Variants in NRG1 observed in about 807,000 individuals in gnomAD.
NRG1 encodes the protein pro-neuregulin-1, membrane-bound isoform.
In NRG1, 18 loss-of-function variants were observed where a neutral mutation model predicts 63.8. The ratio of observed to expected loss-of-function variants is 0.28; its 90% confidence interval spans 0.19 to 0.42. NRG1 has a LOEUF of 0.42. Among genes scored for constraint, NRG1 ranks in the 10% least tolerant of loss-of-function variants. The pLI is 1.00. For missense variants in NRG1, 762 were observed against 814.7 expected, an observed-to-expected ratio of 0.94 and a Z score of 0.79; for synonymous variants, 302 against 301.3, an observed-to-expected ratio of 1.00 and a Z score of -0.02.
chr8:31,732,335 T>G (rs2131359513), intron 1 of NRG1, among the ~76,000 whole-genome samples: 1 of 152,308 alleles, frequency 6.6e-6, no homozygotes, highest in South Asian at 2.1e-4. Flanking sequence ...AGGCAAATCA[T>G]CAGGTATATA....
At chr8:31,979,020 G>A (rs1433080239) in intron 1 of NRG1, among the ~76,000 whole-genome samples, 4 of 152,138 alleles carry the variant, frequency 2.6e-5, no homozygotes, top group Non-Finnish European at 2.9e-5. Flanking sequence ...ATGTGATAAA[G>A]TCAGAACTCA....
chr8:31,726,338 T>G (rs777253088), intron 1 of NRG1, among the ~76,000 whole-genome samples: 31 of 152,140 alleles, frequency 2.0e-4, no homozygotes, highest in Admixed American at 1.1e-3. Context: ...AAAAAACATG[T>G]CAACAACCTG....
intron 1 of NRG1, among the ~76,000 whole-genome samples, chr8:32,449,182 A>G (rs1351088209): frequency 1.3e-5 from 2 of 152,112 alleles, no homozygotes; most frequent in Non-Finnish European, 2.9e-5. Context: ...CTGCAGTCCC[A>G]GATACTCAGG....
At position 31,768,562 on chromosome 8, in the gene NRG1, C is replaced by T. The variant is rs76703778; in HGVS notation, c.37+129131C>T. ...TTACCGAAAAGAGTAAATCAACTAT[C>T]TGCTGGTACTCAGTTCTCAGGGAGC... is the stretch of plus-strand genomic sequence containing the variant. On this transcript the variant is annotated intron_variant, in intron 1 of 10. Coordinates refer to the NRG1 transcript ENST00000519301. Among the ~76,000 whole-genome samples, 385 of 152,324 alleles carry T rather than the reference C, an allele frequency of 2.5e-3. 3 individuals carry two copies. The highest frequency in any genetic ancestry group is 3.1e-3 in the Non-Finnish European group (208 of 68,028).
intron 1 of NRG1, among the ~76,000 whole-genome samples, chr8:31,730,028 T>C (rs1336883632): frequency 6.6e-6 from 1 of 152,118 alleles, no homozygotes; most frequent in Non-Finnish European, 1.5e-5. Flanking sequence ...TGTCCTGTAA[T>C]GCCCCTTAAG....
intron 1 of NRG1, among the ~76,000 whole-genome samples, chr8:32,311,709 A>G (rs1253123120): frequency 6.6e-6 from 1 of 152,174 alleles, no homozygotes; most frequent in Non-Finnish European, 1.5e-5. Flanking sequence ...CTGCATGCTG[A>G]ATAGATTTTT....
At chr8:32,458,780 T>G (rs139258712) in intron 1 of NRG1, among the ~76,000 whole-genome samples, 23 of 152,308 alleles carry the variant, frequency 1.5e-4, no homozygotes, top group African/African-American at 5.1e-4. Flanking sequence ...TTACAATTAT[T>G]CTGGAATTTG....
At chr8:31,876,836 A>G (rs1829962652) in intron 1 of NRG1, among the ~76,000 whole-genome samples, 1 of 152,196 alleles carries the variant, frequency 6.6e-6, no homozygotes, top group Non-Finnish European at 1.5e-5. Context: ...AGTAGTTCTG[A>G]CACTTGGTTA....
chr8:32,467,154 A>G (rs911555178), intron 1 of NRG1, among the ~76,000 whole-genome samples: 16 of 152,224 alleles, frequency 1.1e-4, no homozygotes, highest in African/African-American at 3.6e-4. Context: ...TGAACCCAAT[A>G]TAAACACAAA....
chr8:32,356,683 A>G (rs1806475865), intron 1 of NRG1, among the ~76,000 whole-genome samples: 1 of 152,126 alleles, frequency 6.6e-6, no homozygotes, highest in Admixed American at 6.5e-5. Context: ...CTAGATTGTG[A>G]TGGTATTCAG....
At chr8:31,776,586 C>T (rs778667476) in intron 1 of NRG1, among the ~76,000 whole-genome samples, 12 of 151,974 alleles carry the variant, frequency 7.9e-5, no homozygotes, top group East Asian at 1.9e-4. Context: ...ATGTGCACAA[C>T]GAGCAGGTTT....
At chr8:32,448,647 C>T (rs1018578182) in intron 1 of NRG1, among the ~76,000 whole-genome samples, 1 of 151,792 alleles carries the variant, frequency 6.6e-6, no homozygotes, top group Admixed American at 6.6e-5. Flanking sequence ...ACCAAGCTCA[C>T]CCACATCCTA....
chr8:32,349,892 G>A (rs962469076), intron 1 of NRG1, among the ~76,000 whole-genome samples: 2 of 152,212 alleles, frequency 1.3e-5, no homozygotes, highest in African/African-American at 2.4e-5. Context: ...TGCAGCAGCA[G>A]GATTGTGGCT....
chr8:32,349,075 G>A (rs1586968338), intron 1 of NRG1, among the ~76,000 whole-genome samples: 2 of 152,098 alleles, frequency 1.3e-5, no homozygotes, highest in East Asian at 3.9e-4. Flanking sequence ...CTTTTGAGTG[G>A]GACTGCCTTC....
chr8:32,172,116 C>T (rs1840133409), intron 1 of NRG1, among the ~76,000 whole-genome samples: 1 of 152,164 alleles, frequency 6.6e-6, no homozygotes, highest in Non-Finnish European at 1.5e-5. Context: ...AGACTGACAC[C>T]TCCCACAGCC....
chr8:32,688,985 A>C (rs1367705662), intron 5 of NRG1, among the ~76,000 whole-genome samples: 1 of 152,112 alleles, frequency 6.6e-6, no homozygotes, highest in South Asian at 2.1e-4. Flanking sequence ...TAAACACAAC[A>C]TGTGCCTTGT....
At chr8:31,971,355 A>C (rs1338813755) in intron 1 of NRG1, among the ~76,000 whole-genome samples, 1 of 152,176 alleles carries the variant, frequency 6.6e-6, no homozygotes, top group Non-Finnish European at 1.5e-5. Context: ...TGCCTAACAC[A>C]GTCATAAATA....
At chr8:32,224,250 G>A (rs544135693) in intron 1 of NRG1, among the ~76,000 whole-genome samples, 1 of 152,242 alleles carries the variant, frequency 6.6e-6, no homozygotes, top group South Asian at 2.1e-4. Context: ...GCGGCTGAAT[G>A]AGGCAAGCTC....
At chr8:31,952,025 A>G (rs941919240) in intron 1 of NRG1, among the ~76,000 whole-genome samples, 1 of 152,136 alleles carries the variant, frequency 6.6e-6, no homozygotes, top group African/African-American at 2.4e-5. Context: ...TTACTTTCCT[A>G]CAGCTTTTGT....
Sources: gnomAD v4.1 joint callset for allele counts (sites outside exome capture counted in the v4.1 genomes callset) on GRCh38, gnomAD v4.1.1 for gene constraint, MANE v1.5 for transcripts, NCBI Gene and HGNC (gene_info 2026-07-23, HGNC 2026-07-21) for gene names.